The following DSP variants were observed in gnomAD, a reference collection of about 807,000 sequenced individuals.
DSP encodes the protein desmoplakin, also known as 250/210 kDa paraneoplastic pemphigus antigen.
In DSP, 114 loss-of-function variants were observed where a neutral mutation model predicts 290.6. That is an observed-to-expected ratio of 0.39 (90% CI 0.34 to 0.46). The LOEUF (loss-of-function observed/expected upper bound fraction) is 0.46, where lower values mean the gene tolerates loss of function less well. Ranked by LOEUF, DSP falls within the 20% of genes least tolerant of loss-of-function variation. DSP has a pLI of 0.99. For missense variants in DSP, 3,230 were observed against 3,495.8 expected, an observed-to-expected ratio of 0.92 and a Z score of 1.92; for synonymous variants, 1,311 against 1,316.4, an observed-to-expected ratio of 1.00 and a Z score of 0.09.
In DSP at chr6:7,581,171, G is replaced by A; in HGVS notation, c.4981G>A (p.Val1661Ile). The change falls in exon 23 of 24, where the codon GTC (valine) becomes ATC (isoleucine). Residue 1661 changes from valine (V) to isoleucine (I), a missense_variant. By Grantham distance (29) the Val-to-Ile change is conservative. Around this residue, in one of 5 missense-constraint regions of DSP, gnomAD observed 1,714 missense variants for 1,844.5 expected, o/e 0.93. Transcript: ENST00000379802. ...AGAGCTGAGGAGGCTCTCTTCTGAG[G>A]TCGAGGCCCTGAGGCGGCAGTTACT... is the stretch of plus-strand genomic sequence containing the variant. The part of the protein sequence containing the change: ...QEELRRLSSE[V>I]EALRRQLLQE... The A allele has an allele frequency of 6.2e-7, 1 of 1,614,200 alleles. No homozygotes were observed. Among genetic ancestry groups the A allele is most frequent in the Non-Finnish European group, 8.5e-7 (1 of 1,180,040 alleles).
At chr6:7,573,222 C>T (rs17143007) in intron 15 of DSP, among the ~76,000 whole-genome samples, 11,542 of 152,068 alleles carry the variant, frequency 0.076, 793 homozygotes, top group East Asian at 0.29. Flanking sequence ...TTGACCAAAA[C>T]ATCATTAGTA....
intron 1 of DSP, among the ~76,000 whole-genome samples, chr6:7,542,811 C>G (rs1236794837): frequency 1.3e-5 from 2 of 152,348 alleles, no homozygotes; most frequent in East Asian, 3.9e-4. Flanking sequence ...GCGAGCGCAC[C>G]TGGGGCCCTG....
At chr6:7,575,197 G>A (rs1340404196) in intron 17 of DSP, 98 bp from the exon 18 acceptor site, 1 of 1,132,878 alleles carries the variant, frequency 8.8e-7, no homozygotes, top group Non-Finnish European at 1.3e-6. Flanking sequence ...ATATTCTAAA[G>A]TGTTTTATAA....
At chr6:7,557,319 C>T (rs539549785) in intron 2 of DSP, among the ~76,000 whole-genome samples, 1 of 152,314 alleles carries the variant, frequency 6.6e-6, no homozygotes, top group South Asian at 2.1e-4. Flanking sequence ...ATGATTATAG[C>T]GCATCATCAA....
At chr6:7,554,125 A>ACACACACACACACACACCCC (rs772041102) in intron 1 of DSP, among the ~76,000 whole-genome samples, 7 of 144,510 alleles carry the variant, frequency 4.8e-5, no homozygotes, top group South Asian at 2.2e-4. Context: ...ACACACACAC[A>ACACACACACACACACACCCC]CCCAGTTGGT....
At chr6:7,561,059 C>G (rs971013193) in intron 4 of DSP, among the ~76,000 whole-genome samples, 46 of 151,752 alleles carry the variant, frequency 3.0e-4, no homozygotes, top group African/African-American at 1.1e-3. Flanking sequence ...TCAAGCAATT[C>G]TCCTGCTTCA....
rs1758601898 is a variant in DSP, at chr6:7,559,261, A to G, written c.458A>G (p.Tyr153Cys). The change falls in exon 4 of 24, where the codon TAT (tyrosine) becomes TGT (cysteine). Residue 153 changes from tyrosine to cysteine, a missense_variant. Coordinates refer to ENST00000379802, the MANE Select transcript of DSP (RefSeq NM_004415.4). ...LQLQEQMRALYKAISVPRVRR... is the reference protein window; with the variant it reads ...LQLQEQMRALCKAISVPRVRR... Reference sequence around the variant, plus strand: ...CTCCAAGAGCAAATGCGAGCCCTTTATAAAGCCATCAGTGTCCCTCGAGTC... The same window carrying G: ...CTCCAAGAGCAAATGCGAGCCCTTTGTAAAGCCATCAGTGTCCCTCGAGTC... 2 of 1,613,992 alleles carry G rather than the reference A, an allele frequency of 1.2e-6. No homozygotes were observed. Among genetic ancestry groups the G allele is most frequent in the East Asian group, 2.2e-5 (1 of 44,888 alleles).
At position 7,581,053 on chromosome 6, in the gene DSP, G is replaced by A. The variant is rs756614545; in HGVS notation, c.4863G>A (p.Gln1621=). 1.9e-6 allele frequency: 3 copies of A among 1,614,084 alleles called. No individual in the cohort carries two copies. In the Admixed American group the frequency reaches 5.0e-5, roughly 27 times the overall value. The change falls in exon 23 of 24, where the codon CAG becomes CAA. Residue 1621 remains glutamine, a synonymous_variant. Transcript: ENST00000379802. ...KITNLTQQLE[Q]ASIVKKRSED... ...CCAACCTGACCCAGCAGCTGGAGCA[G>A]GCATCCATTGTTAAGAAGAGGAGTG... is the stretch of plus-strand genomic sequence containing the variant.
At chr6:7,571,744 A>G (rs1209500268) in intron 14 of DSP, 98 bp from the exon 15 acceptor site, 3 of 1,495,710 alleles carry the variant, frequency 2.0e-6, no homozygotes, top group African/African-American at 1.4e-5. Context: ...ATTCAAAGGA[A>G]GAAGGTATAC....
rs553530277 is a variant in DSP at position 7,548,392 on chromosome 6, G to T, written c.170+6307G>T. ...TCTGAGCCTCACCTCAGCCCCAGGAGGGGGGTGTTCTACCTGTCACAGAGG... is the reference window on the plus strand; with the variant it reads ...TCTGAGCCTCACCTCAGCCCCAGGATGGGGGTGTTCTACCTGTCACAGAGG... On this transcript the variant is annotated intron_variant, in intron 1 of 23. Transcript: ENST00000379802. Among the ~76,000 whole-genome samples the T allele has an allele frequency of 1.1e-4, 17 of 152,326 alleles. No individual in the cohort carries two copies. In the South Asian group the frequency reaches 1.2e-3, roughly 11 times the overall value.
intron 1 of DSP, among the ~76,000 whole-genome samples, chr6:7,550,976 A>AT (rs1758325142): frequency 6.6e-6 from 1 of 152,128 alleles, no homozygotes; most frequent in Non-Finnish European, 1.5e-5. Context: ...ATTTAAAAAA[A>AT]TGTGTATACG....
Position 7,541,747 on chromosome 6 carries a change from C to A in DSP, c.-169C>A. On this transcript the variant is annotated 5_prime_UTR_variant, in exon 1 of 24. Transcript: ENST00000379802. ...CCCGGCCCGTCGCCGTCTCCGCGCTCGCAGCGGCCTCGGGAGGGCCCAGGT... is the reference window on the plus strand; with the variant it reads ...CCCGGCCCGTCGCCGTCTCCGCGCTAGCAGCGGCCTCGGGAGGGCCCAGGT... 1.2e-6 allele frequency: 1 copy of A among 820,144 alleles called. No homozygotes were observed. The highest frequency in any genetic ancestry group is 1.8e-6 in the Non-Finnish European group (1 of 556,484). 50.8% of individuals were successfully genotyped at this position (820,144 alleles called of 1,614,324 possible).
rs1581802488 is a variant in DSP at position 7,568,460 on chromosome 6, A to G, written c.1290A>G (p.Glu430=). 6.2e-7 allele frequency: 1 copy of G among 1,614,146 alleles called. No individual in the cohort carries two copies. Among genetic ancestry groups the G allele is most frequent in the Non-Finnish European group, 8.5e-7 (1 of 1,180,032 alleles). ...AGAAAGAACGAGAGAAAATCCTTGAATACAAGCGTCAGGTGCAGAACTTGG... is the reference window on the plus strand; with the variant it reads ...AGAAAGAACGAGAGAAAATCCTTGAGTACAAGCGTCAGGTGCAGAACTTGG... ...ELEKEREKIL[E]YKRQVQNLVN... The change falls in exon 11 of 24, where the codon GAA becomes GAG. Residue 430 remains glutamate (E), a synonymous_variant. Transcript: ENST00000379802.
chr6:7,575,203 T>C, intron 17 of DSP, 92 bp from the exon 18 acceptor site: 1 of 1,270,646 alleles, frequency 7.9e-7, no homozygotes, highest in South Asian at 1.2e-5. Context: ...TAAAGTGTTT[T>C]ATAAACTTTG....
chr6:7,546,605 A>G (rs1758177828), intron 1 of DSP, among the ~76,000 whole-genome samples: 1 of 152,230 alleles, frequency 6.6e-6, no homozygotes, highest in East Asian at 1.9e-4. Flanking sequence ...GTATACCACA[A>G]TGACGCAAGA....
intron 8 of DSP, 30 bp from the exon 9 acceptor site, chr6:7,567,324 G>T: frequency 6.3e-7 from 1 of 1,590,578 alleles, no homozygotes; most frequent in Non-Finnish European, 8.6e-7. Context: ...ACTGAGCTAG[G>T]CTAAGACAGC....
At chr6:7,563,663 G>A (rs1418609613) in intron 5 of DSP, 73 bp from the exon 6 acceptor site, 4 of 1,230,942 alleles carry the variant, frequency 3.2e-6, no homozygotes, top group Non-Finnish European at 4.8e-6. Flanking sequence ...AGAAAAGGAG[G>A]CTTAGAAGGG....
intron 1 of DSP, among the ~76,000 whole-genome samples, chr6:7,550,393 A>C (rs887221167): frequency 3.3e-5 from 5 of 152,182 alleles, no homozygotes; most frequent in Admixed American, 1.3e-4. Context: ...TTGGCAACAC[A>C]TGTAAAGCTA....
At chr6:7,552,563 G>GGA (rs1464890658) in intron 1 of DSP, among the ~76,000 whole-genome samples, 1 of 120,876 alleles carries the variant, frequency 8.3e-6, no homozygotes, top group African/African-American at 2.8e-5. Flanking sequence ...ACTCCATCTC[G>GGA]GAAAAAAAAA....
Sources: allele counts gnomAD v4.1 joint callset (sites outside exome capture counted in the v4.1 genomes callset), GRCh38; gene constraint gnomAD v4.1.1; regional missense constraint gnomAD v4.1.1; transcripts MANE v1.5; gene names NCBI Gene and HGNC (gene_info 2026-07-23, HGNC 2026-07-21).